Variants in COMMD1 observed in about 807,000 individuals in gnomAD.
The protein encoded by COMMD1 is copper metabolism domain containing 1, also known as COMM domain-containing protein 1.
In COMMD1, 10 loss-of-function variants were observed where a neutral mutation model predicts 17.2. The ratio of observed to expected loss-of-function variants is 0.58; its 90% CI spans 0.36 to 0.99. The LOEUF (loss-of-function observed/expected upper bound fraction) is 0.99, where lower values mean the gene tolerates loss of function less well. Ranked by LOEUF, COMMD1 falls within the 50% of genes least tolerant of loss-of-function variation. The pLI, the probability that COMMD1 is intolerant of heterozygous loss-of-function variation, is 0.01. For synonymous variants in COMMD1, 97 were observed against 91.6 expected, an observed-to-expected ratio of 1.06 and a Z score of -0.34; for missense variants, 270 against 231.8, an observed-to-expected ratio of 1.17 and a Z score of -1.07.
intron 2 of COMMD1, among the ~76,000 whole-genome samples, chr2:62,129,332 C>G (rs977692403): frequency 6.6e-6 from 1 of 152,054 alleles, no homozygotes; most frequent in African/African-American, 2.4e-5. Flanking sequence ...TGAGAACAGC[C>G]CCACAGGACA....
At chr2:61,990,768 G>C (rs921994259) in intron 1 of COMMD1, among the ~76,000 whole-genome samples, 3 of 151,616 alleles carry the variant, frequency 2.0e-5, no homozygotes, top group African/African-American at 4.9e-5. Context: ...CCGCCCCCAT[G>C]AATCAGTTAT....
At chr2:62,113,357 A>AAT (rs1553393203) in intron 2 of COMMD1, among the ~76,000 whole-genome samples, 5 of 151,986 alleles carry the variant, frequency 3.3e-5, no homozygotes, top group South Asian at 4.2e-4. Flanking sequence ...GTCTCAAAAA[A>AAT]ATATATATAT....
chr2:62,075,090 T>A (rs1449676017), intron 2 of COMMD1, among the ~76,000 whole-genome samples: 2 of 152,004 alleles, frequency 1.3e-5, no homozygotes, highest in African/African-American at 4.8e-5. Context: ...GGTTTCGCCA[T>A]GTAGACCAGG....
At chr2:61,941,048 T>C (rs1333043021) in intron 1 of COMMD1, among the ~76,000 whole-genome samples, 2 of 151,058 alleles carry the variant, frequency 1.3e-5, no homozygotes, top group Admixed American at 1.3e-4. Context: ...CCCCCCCTTT[T>C]TTTTTGGGAT....
intron 2 of COMMD1, among the ~76,000 whole-genome samples, chr2:62,125,990 A>G (rs575684492): frequency 2.6e-5 from 4 of 152,024 alleles, no homozygotes; most frequent in Middle Eastern, 3.4e-3. Context: ...CTCATTGTTC[A>G]GCTCCCACTT....
At chr2:61,932,677 C>T (rs999731600) in intron 1 of COMMD1, among the ~76,000 whole-genome samples, 15 of 152,186 alleles carry the variant, frequency 9.9e-5, no homozygotes, top group African/African-American at 3.4e-4. Context: ...ATTCCCTTGA[C>T]CCCCTTGCTG....
Position 62,115,832 on chromosome 2 carries a change from TTTTCTTTCTTTC to T in COMMD1, c.463-19979_463-19968del, listed in dbSNP as rs772454952. Among the ~76,000 whole-genome samples the T allele has an allele frequency of 1.6e-4, 21 of 135,198 alleles. No homozygotes were observed. The East Asian group carries it at 2.1e-3, about 13-fold the overall frequency. 88.7% of individuals were successfully genotyped at this position (135,198 alleles called of 152,430 possible). On this transcript the variant is annotated intron_variant, in intron 2 of 2. Transcript: ENST00000311832. ...AAGTCATAATTTTGGTGGGTTTTTTTTTTCTTTCTTTCTTTCTTTCTTTCTTTCTTTTTTTTT... is the reference window on the plus strand; with the variant it reads ...AAGTCATAATTTTGGTGGGTTTTTTTTTTCTTTCTTTCTTTCTTTTTTTTT...
intron 1 of COMMD1, among the ~76,000 whole-genome samples, chr2:61,954,285 C>G (rs1202059945): frequency 1.3e-5 from 2 of 152,036 alleles, no homozygotes; most frequent in Admixed American, 6.6e-5. Context: ...AGTCATTGCT[C>G]TGAAATAAGT....
At chr2:61,930,618 TGTGTG>T (rs1475599838) in intron 1 of COMMD1, among the ~76,000 whole-genome samples, 15 of 8,968 alleles carry the variant, frequency 1.7e-3, no homozygotes. Flanking sequence ...CACAGGGTTT[TGTGTG>T]TGTGTGTGTG....
chr2:62,055,504 A>G (rs1224165747), intron 2 of COMMD1: 4 of 455,630 alleles, frequency 8.8e-6, no homozygotes, highest in South Asian at 3.1e-5. Flanking sequence ...CCGGCTATCC[A>G]TTGAAGCCAT....
At chr2:62,114,716 C>T (rs924749046) in intron 2 of COMMD1, among the ~76,000 whole-genome samples, 1 of 152,204 alleles carries the variant, frequency 6.6e-6, no homozygotes, top group African/African-American at 2.4e-5. Flanking sequence ...TTCCACTCTG[C>T]TGCACTGGCC....
chr2:62,061,945 C>G (rs1327965632), intron 2 of COMMD1, among the ~76,000 whole-genome samples: 1 of 149,460 alleles, frequency 6.7e-6, no homozygotes, highest in Non-Finnish European at 1.5e-5. Context: ...TCAGTTTCAC[C>G]CAAGGGAAGA....
chr2:62,000,389 A>G lies in COMMD1; in HGVS notation c.181-312A>G, dbSNP rs868458676. 1.2e-4 allele frequency among the ~76,000 whole-genome samples: 18 copies of G among 150,530 alleles called. 1 individual carries two copies. Among genetic ancestry groups the G allele is most frequent in the Middle Eastern group, 3.4e-3 (1 of 294 alleles). On this transcript the variant is annotated intron_variant, in intron 1 of 2. Transcript: ENST00000311832. ...CCGGTTGAAGCGATTCTTGTGTCTCAGCCTCCTGAGTAGCTGAGATTACTG... is the reference window on the plus strand; with the variant it reads ...CCGGTTGAAGCGATTCTTGTGTCTCGGCCTCCTGAGTAGCTGAGATTACTG...
At chr2:61,982,466 T>A (rs1460716051) in intron 1 of COMMD1, among the ~76,000 whole-genome samples, 1 of 152,218 alleles carries the variant, frequency 6.6e-6, no homozygotes, top group Non-Finnish European at 1.5e-5. Context: ...CCAATTTGGA[T>A]GCCCTTTATT....
chr2:61,902,235 C>T (rs1033021970), upstream of COMMD1, among the ~76,000 whole-genome samples: 24 of 151,514 alleles, frequency 1.6e-4, no homozygotes, highest in East Asian at 1.2e-3. Flanking sequence ...TGTCCGGGCA[C>T]GGTGGCTCAC....
intron 1 of COMMD1, among the ~76,000 whole-genome samples, chr2:61,958,245 T>C (rs545001684): frequency 5.4e-4 from 82 of 151,820 alleles, no homozygotes; most frequent in Non-Finnish European, 1.1e-3. Context: ...AACCCCGTTT[T>C]CTGTATTGTG....
chr2:62,109,332 A>G (rs577094732), intron 2 of COMMD1, among the ~76,000 whole-genome samples: 1 of 152,228 alleles, frequency 6.6e-6, no homozygotes, highest in Non-Finnish European at 1.5e-5. Flanking sequence ...TGGGGACAAT[A>G]GAATGGAAGC....
At chr2:62,065,657 A>C (rs1671018450) in intron 2 of COMMD1, among the ~76,000 whole-genome samples, 1 of 152,096 alleles carries the variant, frequency 6.6e-6, no homozygotes, top group Non-Finnish European at 1.5e-5. Context: ...TGGAAATTTA[A>C]TTGTTGCTTT....
chr2:62,028,040 T>G (rs13430068), intron 2 of COMMD1, among the ~76,000 whole-genome samples: 6,429 of 152,222 alleles, frequency 0.042, 361 homozygotes, highest in African/African-American at 0.13. Flanking sequence ...TTCAGTGCAT[T>G]AAAGAAAACA....
Sources: allele counts gnomAD v4.1 joint callset (sites outside exome capture counted in the v4.1 genomes callset), GRCh38; gene constraint gnomAD v4.1.1; transcripts MANE v1.5; gene names NCBI Gene and HGNC (gene_info 2026-07-23, HGNC 2026-07-21).